The following MTF1 variants were observed in gnomAD, a reference collection of about 807,000 sequenced individuals.
The protein encoded by MTF1 is metal regulatory transcription factor 1.
In MTF1, 22 loss-of-function variants were observed where a neutral mutation model predicts 70.4. That is an observed-to-expected ratio of 0.31 (90% CI 0.22 to 0.45). The LOEUF (loss-of-function observed/expected upper bound fraction) is 0.45. Among genes scored for constraint, MTF1 ranks in the 20% least tolerant of loss-of-function variants. The pLI is 1.00. For synonymous variants in MTF1, 333 were observed against 352.8 expected, an observed-to-expected ratio of 0.94 and a Z score of 0.63; for missense variants, 649 against 922.0, an observed-to-expected ratio of 0.70 and a Z score of 3.83.
chr1:37,842,882 T>G (rs1557595920), intron 2 of MTF1, among the ~76,000 whole-genome samples: 1 of 152,196 alleles, frequency 6.6e-6, no homozygotes, highest in African/African-American at 2.4e-5. Context: ...AGGAATTCAC[T>G]AATGACTTAG....
Position 37,822,130 on chromosome 1 carries a change from T to C in MTF1, c.1758A>G (p.Gln586=). The change falls in exon 9 of 11, where the codon CAA becomes CAG. Residue 586 remains glutamine (Q), a synonymous_variant. Transcript: ENST00000373036. ...LNGATSSPQN[Q]EQIQQASKVE... Reference sequence around the variant, plus strand: ...CATACATAATACTTACAATTTGTTCTTGGTTTTGTGGAGAACTGGTGGCAC... The same window carrying C: ...CATACATAATACTTACAATTTGTTCCTGGTTTTGTGGAGAACTGGTGGCAC... The C allele has an allele frequency of 3.1e-6, 5 of 1,595,756 alleles. No homozygotes were observed. The highest frequency in any genetic ancestry group is 4.3e-6 in the Non-Finnish European group (5 of 1,168,664).
At chr1:37,818,760 C>T (rs961452362) in intron 9 of MTF1, among the ~76,000 whole-genome samples, 11 of 151,180 alleles carry the variant, frequency 7.3e-5, no homozygotes, top group African/African-American at 2.7e-4. Context: ...TATGGGAGGC[C>T]GAGGCGGGCA....
rs1238918473 is a variant in MTF1, at chr1:37,849,289, A to T, written c.408+7962T>A. 2.0e-5 allele frequency among the ~76,000 whole-genome samples: 3 copies of T among 152,142 alleles called. 1 individual carries two copies. The highest frequency in any genetic ancestry group is 2.0e-4 in the Admixed American group (3 of 15,278). ...AAAAATACAAAATTTAGCCAGGCCT[A>T]GTGGCACATGCCTGTAATCCTGGCT... On this transcript the variant is annotated intron_variant, in intron 2 of 10. Coordinates refer to ENST00000373036, the MANE Select transcript of MTF1 (RefSeq NM_005955.3).
intron 9 of MTF1, among the ~76,000 whole-genome samples, chr1:37,819,403 A>G (rs1388928220): frequency 6.6e-6 from 1 of 152,072 alleles, no homozygotes; most frequent in East Asian, 1.9e-4. Flanking sequence ...CGGGCGGATC[A>G]CCTGAGGTCA....
rs1024739308 is a variant in MTF1, at chr1:37,835,035, G to C, written c.990+44C>G. On this transcript the variant is annotated intron_variant, in intron 6 of 10. Transcript: ENST00000373036. ...TGATTGTGATACACAAACAACTGTT[G>C]AAGTTCTATGGTACCCAGATCAAGA... 6 of 1,599,414 alleles carry C rather than the reference G, an allele frequency of 3.8e-6. No homozygotes were observed. The African/African-American group carries it at 5.4e-5, about 14-fold the overall frequency.
At chr1:37,825,954 A>C (rs1362109095) in intron 7 of MTF1, among the ~76,000 whole-genome samples, 1 of 152,134 alleles carries the variant, frequency 6.6e-6, no homozygotes, top group Non-Finnish European at 1.5e-5. Context: ...GTTTTGGGGG[A>C]GTCAAAAGTT....
chr1:37,833,932 G>C (rs1217313221), intron 6 of MTF1, among the ~76,000 whole-genome samples: 1 of 152,056 alleles, frequency 6.6e-6, no homozygotes, highest in African/African-American at 2.4e-5. Context: ...TGAAGTGAGA[G>C]GAAGAAAAGT....
chr1:37,846,893 G>A (rs1641340422), intron 2 of MTF1, among the ~76,000 whole-genome samples: 1 of 152,102 alleles, frequency 6.6e-6, no homozygotes, highest in Non-Finnish European at 1.5e-5. Context: ...CTGCTTCTGG[G>A]CACCTAGCAC....
In MTF1 at chr1:37,812,126, GA is replaced by G. The variant is rs577566267; in HGVS notation, c.*3009del. ...GTGAAAATGGTTAAGTTTACTATGGGAGGGGAAAAAGGCTTGATTTTTACCT... is the reference window on the plus strand; with the variant it reads ...GTGAAAATGGTTAAGTTTACTATGGGGGGGAAAAAGGCTTGATTTTTACCT... On this transcript the variant is annotated 3_prime_UTR_variant, in exon 11 of 11. Coordinates refer to ENST00000373036, the MANE Select transcript of MTF1 (RefSeq NM_005955.3). 2.6e-5 allele frequency: 4 copies of G among 152,616 alleles called. No homozygotes were observed. In the East Asian group the frequency reaches 7.7e-4, roughly 29 times the overall value. 9.5% of individuals were successfully genotyped at this position (152,616 alleles called of 1,614,324 possible).
intron 3 of MTF1, 41 bp from the exon 4 acceptor site, chr1:37,838,797 C>CTTTTTTTTTTTTTTTTTTTTTTG (rs746478428): frequency 2.4e-6 from 1 of 421,154 alleles, no homozygotes; most frequent in Non-Finnish European, 3.2e-6. Context: ...TCATAAAATT[C>CTTTTTTTTTTTTTTTTTTTTTTG]TTTTTTTTTT....
rs1641243954 is a variant in MTF1 at position 37,840,833 on chromosome 1, C to A, written c.409-675G>T. Among the ~76,000 whole-genome samples, 1 of 151,662 alleles carries A rather than the reference C, an allele frequency of 6.6e-6. No individual in the cohort carries two copies. The highest frequency in any genetic ancestry group is 6.6e-5 in the Admixed American group (1 of 15,238). On this transcript the variant is annotated intron_variant, in intron 2 of 10. Transcript: ENST00000373036. This position sits in a 1 kb window ranked among gnomAD's most constrained non-coding sequence, Gnocchi z 4.5. ...CCGACAAATATCAAATGGCAGATGA[C>A]TCTAGTGCAGTGGAGGGCCTGGAAT...
intron 2 of MTF1, among the ~76,000 whole-genome samples, chr1:37,845,744 A>G (rs746986028): frequency 1.3e-5 from 2 of 152,136 alleles, no homozygotes; most frequent in Non-Finnish European, 2.9e-5. Flanking sequence ...GGCCTCAAAT[A>G]AATTTCTCAC....
chr1:37,830,185 C>A (rs1641065977), intron 7 of MTF1, among the ~76,000 whole-genome samples: 1 of 152,184 alleles, frequency 6.6e-6, no homozygotes, highest in South Asian at 2.1e-4. Flanking sequence ...GCAGAAATTT[C>A]TTTTAGAACA....
chr1:37,825,060 G>A (rs372639153), intron 7 of MTF1, among the ~76,000 whole-genome samples: 21 of 152,108 alleles, frequency 1.4e-4, no homozygotes, highest in Non-Finnish European at 2.4e-4. Flanking sequence ...CGTAGGGCAA[G>A]AGTGGTAAGG....
chr1:37,854,915 T>G (rs1641468374), intron 2 of MTF1, among the ~76,000 whole-genome samples: 2 of 152,074 alleles, frequency 1.3e-5, no homozygotes, highest in African/African-American at 4.8e-5. Context: ...CAAAATTAGC[T>G]GGGTGTGGTA....
At chr1:37,832,634 C>G (rs1641106313) in intron 6 of MTF1, among the ~76,000 whole-genome samples, 1 of 152,088 alleles carries the variant, frequency 6.6e-6, no homozygotes. Context: ...CTCCCCTGCC[C>G]CACCCCGTGA....
chr1:37,815,417 G>C lies in MTF1; in HGVS notation c.1981C>G (p.Pro661Ala), dbSNP rs1217991849. 1.2e-6 allele frequency: 2 copies of C among 1,613,664 alleles called. No individual in the cohort carries two copies. The highest frequency in any genetic ancestry group is 2.7e-5 in the African/African-American group (2 of 74,996). The stretch of plus-strand genomic sequence containing the variant: ...GGCCCATCAGGAGCCTGGGGGCTCG[G>C]CTCTGGAGGGGGTGGGGAGGAGCAG... ...KGCSSPPPPE[P>A]SPQAPDGPSL... is the part of the protein sequence containing the mutation. The change falls in exon 11 of 11, where the codon CCG becomes GCG. Residue 661 changes from proline to alanine, a missense_variant. Pro to Ala is a conservative substitution (Grantham distance 27). Coordinates refer to ENST00000373036, the MANE Select transcript of MTF1 (RefSeq NM_005955.3). The surrounding 1 kb of genome is among the most constrained non-coding windows in gnomAD (Gnocchi z 4.5).
At chr1:37,845,895 T>C (rs1315364370) in intron 2 of MTF1, among the ~76,000 whole-genome samples, 1 of 152,134 alleles carries the variant, frequency 6.6e-6, no homozygotes, top group Non-Finnish European at 1.5e-5. Context: ...AAATGAGTAA[T>C]CTCTTGCCTC....
At chr1:37,825,394 T>C (rs1640988019) in intron 7 of MTF1, among the ~76,000 whole-genome samples, 1 of 151,736 alleles carries the variant, frequency 6.6e-6, no homozygotes, top group African/African-American at 2.4e-5. Flanking sequence ...GGCCACCACA[T>C]CTGGATGATT....
Sources: gnomAD v4.1 joint callset for allele counts (sites outside exome capture counted in the v4.1 genomes callset) on GRCh38, gnomAD v4.1.1 for gene constraint, Gnocchi (gnomAD v3.1) non-coding constraint, MANE v1.5 for transcripts, NCBI Gene and HGNC (gene_info 2026-07-23, HGNC 2026-07-21) for gene names.